Variants in PRDM9 observed in about 807,000 individuals in gnomAD.
PRDM9 encodes histone-lysine N-methyltransferase PRDM9.
PRDM9 carries 47 observed loss-of-function variants against 55.6 expected under a neutral mutation model. The ratio of observed to expected loss-of-function variants is 0.85; its 90% CI spans 0.67 to 1.08. The LOEUF (loss-of-function observed/expected upper bound fraction) is 1.08, where lower values mean the gene tolerates loss of function less well. Ranked by LOEUF, PRDM9 falls within the 50% of genes least tolerant of loss-of-function variation. PRDM9 has a pLI of 0.00. For missense variants in PRDM9, 867 were observed against 1,040.3 expected (o/e 0.83, Z 2.29); for synonymous variants, 312 against 375.7 (o/e 0.83, Z 1.96).
At chr5:23,517,654 C>A (rs1277068091) in intron 4 of PRDM9, among the ~76,000 whole-genome samples, 1 of 152,010 alleles carries the variant, frequency 6.6e-6, no homozygotes, top group Non-Finnish European at 1.5e-5. Flanking sequence ...GGTGTGGTGG[C>A]GTACACCTGT....
intron 10 of PRDM9, among the ~76,000 whole-genome samples, chr5:23,524,898 T>A (rs1461214154): frequency 6.6e-6 from 1 of 152,224 alleles, no homozygotes; most frequent in Non-Finnish European, 1.5e-5. Context: ...TATTCATTCA[T>A]TAATTACCTC....
chr5:23,509,817 T>C, intron 3 of PRDM9, 103 bp from the exon 4 acceptor site: 1 of 1,373,968 alleles, frequency 7.3e-7, no homozygotes, highest in South Asian at 1.2e-5. Flanking sequence ...TCCCAGCTCA[T>C]CAGACTGAGC....
chr5:23,511,100 G>A (rs1739087064), intron 4 of PRDM9, among the ~76,000 whole-genome samples: 1 of 151,942 alleles, frequency 6.6e-6, no homozygotes, highest in African/African-American at 2.4e-5. Context: ...AGGTGGCAGT[G>A]TGCCTAAATT....
intron 4 of PRDM9, among the ~76,000 whole-genome samples, chr5:23,516,185 C>T (rs1044503425): frequency 1.3e-4 from 20 of 152,240 alleles, no homozygotes; most frequent in South Asian, 2.1e-4. Flanking sequence ...AAATTTCTGT[C>T]GGCACCGTTT....
At chr5:23,518,258 G>A (rs1739254825) in intron 5 of PRDM9, among the ~76,000 whole-genome samples, 1 of 152,122 alleles carries the variant, frequency 6.6e-6, no homozygotes, top group Non-Finnish European at 1.5e-5. Context: ...AGAAAACTGA[G>A]GTATAAAAAT....
intron 4 of PRDM9, among the ~76,000 whole-genome samples, chr5:23,514,133 A>G (rs1561017808): frequency 6.6e-6 from 1 of 152,180 alleles, no homozygotes; most frequent in Non-Finnish European, 1.5e-5. Context: ...ATATTTTTAT[A>G]TGCTTCTTAG....
rs1351290208 is a variant in PRDM9 at position 23,524,608 on chromosome 5, A to C, written c.1144+81A>C. ...AATTTTCATGGTTTAACTCTTAAGT[A>C]CAGTAAAATGCCATCTAAAGTCAGT... is the stretch of plus-strand genomic sequence containing the variant. On this transcript the variant is annotated intron_variant, in intron 10 of 10. Transcript: ENST00000296682. 1.8e-5 allele frequency: 29 copies of C among 1,590,334 alleles called. No individual in the cohort carries two copies. The Admixed American group carries it at 4.9e-4, about 27-fold the overall frequency.
In PRDM9 at chr5:23,509,098, C is replaced by T; in HGVS notation, c.65C>T (p.Pro22Leu). 1 of 1,614,030 alleles carries T rather than the reference C, an allele frequency of 6.2e-7. No individual in the cohort carries two copies. Among genetic ancestry groups the T allele is most frequent in the Non-Finnish European group, 8.5e-7 (1 of 1,179,970 alleles). ...EEDTERTERK[P>L]MVKDAFKDIS... ...GACACAGAGAGAACAGAGCGGAAGC[C>T]CATGGTGAGAAGTGGAGGAAGCGAA... Residue 22 changes from proline (P) to leucine (L), a missense_variant, in exon 2 of 11, where the codon CCC becomes CTC. Coordinates refer to ENST00000296682, the MANE Select transcript of PRDM9 (RefSeq NM_020227.4).
At chr5:23,521,450 GC>G (rs1199948887) in intron 6 of PRDM9, among the ~76,000 whole-genome samples, 4 of 152,182 alleles carry the variant, frequency 2.6e-5, no homozygotes, top group Non-Finnish European at 5.9e-5. Context: ...ATGTTTTCTT[GC>G]CTCAGTCACC....
intron 4 of PRDM9, among the ~76,000 whole-genome samples, chr5:23,512,482 G>T (rs1322190409): frequency 2.0e-5 from 3 of 152,060 alleles, no homozygotes; most frequent in African/African-American, 7.2e-5. Flanking sequence ...AGGTATGAAA[G>T]GCCAGTGTTT....
In PRDM9 at chr5:23,509,120, C is replaced by G; in HGVS notation, c.69+18C>G. ...AGCCCATGGTGAGAAGTGGAGGAAGCGAAGCTGGACTCCTAGCAGGAGCTG... is the reference window on the plus strand; with the variant it reads ...AGCCCATGGTGAGAAGTGGAGGAAGGGAAGCTGGACTCCTAGCAGGAGCTG... On this transcript the variant is annotated intron_variant, in intron 2 of 10. Transcript: ENST00000296682. 6.2e-7 allele frequency: 1 copy of G among 1,613,416 alleles called. No homozygotes were observed. Among genetic ancestry groups the G allele is most frequent in the Non-Finnish European group, 8.5e-7 (1 of 1,179,408 alleles).
chr5:23,519,941 G>A (rs1323888620), intron 5 of PRDM9, among the ~76,000 whole-genome samples: 7 of 151,712 alleles, frequency 4.6e-5, no homozygotes, highest in African/African-American at 7.3e-5. Context: ...CTACTCAGGA[G>A]CCTGAAGCAG....
chr5:23,519,130 G>T (rs1259542250), intron 5 of PRDM9, among the ~76,000 whole-genome samples: 1 of 152,124 alleles, frequency 6.6e-6, no homozygotes, highest in Non-Finnish European at 1.5e-5. Context: ...CTCAATCTCG[G>T]CTTACTGCAG....
Position 23,522,615 on chromosome 5 carries a change from T to C in PRDM9, c.612T>C (p.Tyr204=), listed in dbSNP as rs781022783. 9 of 1,614,258 alleles carry C rather than the reference T, an allele frequency of 5.6e-6. No homozygotes were observed. Among genetic ancestry groups the C allele is most frequent in the South Asian group, 2.2e-5 (2 of 91,090 alleles). Residue 204 remains tyrosine, a splice_region_variant and synonymous_variant, in exon 8 of 11, where the codon TAT becomes TAC. Transcript: ENST00000296682. The part of the protein sequence containing the change: ...VSEPQDDDYL[Y]CEMCQNFFID... ...AATCTCTGCTTCCCTCACTTCCAGA[T>C]TGTGAGATGTGTCAGAACTTCTTCA...
rs1739352843 is a variant in PRDM9 at position 23,522,607 on chromosome 5, C to T, written c.611-7C>T. On this transcript the variant is annotated splice_region_variant and splice_polypyrimidine_tract_variant and intron_variant, in intron 7 of 10. Coordinates refer to ENST00000296682, the MANE Select transcript of PRDM9 (RefSeq NM_020227.4). ...ACTTTCCTAATCTCTGCTTCCCTCA[C>T]TTCCAGATTGTGAGATGTGTCAGAA... 1.9e-6 allele frequency: 3 copies of T among 1,614,144 alleles called. No homozygotes were observed.
chr5:23,522,918 C>T, intron 8 of PRDM9, 33 bp downstream of exon 8: 1 of 1,614,236 alleles, frequency 6.2e-7, no homozygotes, highest in Non-Finnish European at 8.5e-7. Flanking sequence ...CCTGTTCTGT[C>T]TTCCCACATC....
chr5:23,508,873 C>A, intron 1 of PRDM9, 77 bp from the exon 2 acceptor site: 1 of 797,554 alleles, frequency 1.3e-6, no homozygotes, highest in Non-Finnish European at 2.0e-6. Context: ...AACACCCAGC[C>A]AGATGGAGAA....
At chr5:23,522,530 T>C in intron 7 of PRDM9, 84 bp from the exon 8 acceptor site, 2 of 1,600,496 alleles carry the variant, frequency 1.2e-6, no homozygotes, top group Admixed American at 1.7e-5. Context: ...GGCTAAATAA[T>C]GTGAATGCCA....
intron 4 of PRDM9, among the ~76,000 whole-genome samples, chr5:23,515,005 C>T (rs1297232315): frequency 1.3e-5 from 2 of 151,228 alleles, no homozygotes; most frequent in African/African-American, 4.9e-5. Context: ...CTCCTGTTGC[C>T]CAGGCTGGAG....
Sources: allele counts gnomAD v4.1 joint callset (sites outside exome capture counted in the v4.1 genomes callset), GRCh38; gene constraint gnomAD v4.1.1; transcripts MANE v1.5; gene names NCBI Gene and HGNC (gene_info 2026-07-23, HGNC 2026-07-21).